CERK: variants seen among roughly 807,000 people sequenced by gnomAD.
The protein encoded by CERK is acylsphingosine kinase.
CERK carries 39 observed loss-of-function variants against 63.4 expected under a neutral mutation model. The ratio of observed to expected loss-of-function variants is 0.61; its 90% CI spans 0.48 to 0.80. The LOEUF (loss-of-function observed/expected upper bound fraction) is 0.80. Among genes scored for constraint, CERK ranks in the 30% least tolerant of loss-of-function variants. The pLI, the probability that CERK is intolerant of heterozygous loss-of-function variation, is 0.00. For synonymous variants in CERK, 302 were observed against 280.0 expected, an observed-to-expected ratio of 1.08 and a Z score of -0.78; for missense variants, 670 against 714.1, an observed-to-expected ratio of 0.94 and a Z score of 0.70.
At chr22:46,734,084 A>G (rs768173452) in intron 1 of CERK, among the ~76,000 whole-genome samples, 12 of 150,480 alleles carry the variant, frequency 8.0e-5, no homozygotes, top group Non-Finnish European at 1.5e-4. Context: ...ATATATATAT[A>G]TATACATTTT....
At chr22:46,709,891 T>C (rs552330746) in intron 5 of CERK, among the ~76,000 whole-genome samples, 1 of 152,244 alleles carries the variant, frequency 6.6e-6, no homozygotes, top group South Asian at 2.1e-4. Flanking sequence ...GCAAAAATAT[T>C]TGCAAAAATA....
At position 46,707,991 on chromosome 22, in the gene CERK, G is replaced by A. The variant is rs755108681; in HGVS notation, c.570-3C>T. 4 of 1,600,116 alleles carry A rather than the reference G, an allele frequency of 2.5e-6. No homozygotes were observed. In the Admixed American group the frequency reaches 5.0e-5, roughly 20 times the overall value. On this transcript the variant is annotated splice_region_variant and splice_polypyrimidine_tract_variant and intron_variant, in intron 5 of 12. Coordinates refer to ENST00000216264, the MANE Select transcript of CERK (RefSeq NM_022766.6). ...CATCTCCGCCGACACAGACGATGCT[G>A]CAGGAGGAACACAGCCGGTCAGGGC...
At chr22:46,718,280 G>A (rs1324107142) in intron 3 of CERK, among the ~76,000 whole-genome samples, 1 of 152,136 alleles carries the variant, frequency 6.6e-6, no homozygotes, top group Non-Finnish European at 1.5e-5. Context: ...CTTGGAGTCT[G>A]CACCTATAGG....
intron 3 of CERK, among the ~76,000 whole-genome samples, chr22:46,717,371 G>C (rs1389457056): frequency 6.6e-6 from 1 of 152,252 alleles, no homozygotes; most frequent in African/African-American, 2.4e-5. Context: ...TCAGGAAGCT[G>C]TCCAAATGAC....
At chr22:46,699,666 A>C (rs944615624) in intron 7 of CERK, among the ~76,000 whole-genome samples, 21 of 152,214 alleles carry the variant, frequency 1.4e-4, no homozygotes, top group African/African-American at 5.1e-4. Flanking sequence ...ACTCCACTCA[A>C]ATTTCTAAAA....
At chr22:46,736,575 GC>G (rs2082974808) in intron 1 of CERK, among the ~76,000 whole-genome samples, 1 of 152,200 alleles carries the variant, frequency 6.6e-6, no homozygotes, top group South Asian at 2.1e-4. Flanking sequence ...AACCCTTCGG[GC>G]CCAGGTCAGG....
intron 4 of CERK, 116 bp downstream of exon 4, chr22:46,712,052 A>G: frequency 1.7e-6 from 2 of 1,155,580 alleles, no homozygotes; most frequent in Non-Finnish European, 2.5e-6. Flanking sequence ...GCACCACTGC[A>G]CTCCAGCCTG....
At position 46,714,983 on chromosome 22, in the gene CERK, T is replaced by C. The variant is rs565862239; in HGVS notation, c.380-2690A>G. Among the ~76,000 whole-genome samples the C allele has an allele frequency of 2.7e-5, 4 of 149,628 alleles. No homozygotes were observed. Among genetic ancestry groups the C allele is most frequent in the East Asian group, 1.9e-4 (1 of 5,156 alleles). On this transcript the variant is annotated intron_variant, in intron 3 of 12. Coordinates refer to ENST00000216264, the MANE Select transcript of CERK (RefSeq NM_022766.6). The surrounding 1 kb of genome is among the most constrained non-coding windows in gnomAD (Gnocchi z 4.4). Reference sequence around the variant, plus strand: ...AAATTAATGTAACTCAACACATTAATTGAAAAAAAAAAAGAAAGTCATACA... The same window carrying C: ...AAATTAATGTAACTCAACACATTAACTGAAAAAAAAAAAGAAAGTCATACA...
chr22:46,693,447 A>G lies in CERK; in HGVS notation c.1106T>C (p.Leu369Pro). 1.2e-6 allele frequency: 2 copies of G among 1,614,164 alleles called. No individual in the cohort carries two copies. The highest frequency in any genetic ancestry group is 1.7e-6 in the Non-Finnish European group (2 of 1,179,998). Reference protein sequence around the residue: ...QQLEEEQKKALYGLEAAEDVE... With the variant: ...QQLEEEQKKAPYGLEAAEDVE... The stretch of plus-strand genomic sequence containing the variant: ...ATTACCCGCAGCTTCCAAACCATAC[A>G]GTGCTTTCTTCTGCTCCTCCTCCAG... The change falls in exon 10 of 13, where the codon CTG (leucine) becomes CCG (proline). Residue 369 changes from leucine (L) to proline (P), a missense_variant. Physicochemically the swap from Leu to Pro is moderately conservative, Grantham distance 98 (BLOSUM62 -3). Coordinates refer to ENST00000216264, the MANE Select transcript of CERK (RefSeq NM_022766.6).
At position 46,687,027 on chromosome 22, in the gene CERK, A is replaced by C. The variant is rs1352267892; in HGVS notation, c.*107T>G. On this transcript the variant is annotated 3_prime_UTR_variant, in exon 13 of 13. Transcript: ENST00000216264. ...CTTCTAAAATCAAGATTTAACTATC[A>C]AAAATAAATTTCTACATTTAAATGT... is the stretch of plus-strand genomic sequence containing the variant. 9.6e-6 allele frequency: 9 copies of C among 934,928 alleles called. No individual in the cohort carries two copies. 57.9% of individuals were successfully genotyped at this position (934,928 alleles called of 1,614,324 possible).
At chr22:46,695,073 A>T (rs2082749337) in intron 9 of CERK, 137 bp downstream of exon 9, 2 of 593,240 alleles carry the variant, frequency 3.4e-6, no homozygotes, top group South Asian at 3.9e-5. Context: ...CATGGGCATC[A>T]TAGGCATCGT....
At chr22:46,728,057 C>T (rs962884256) in intron 1 of CERK, among the ~76,000 whole-genome samples, 13 of 152,268 alleles carry the variant, frequency 8.5e-5, no homozygotes, top group African/African-American at 1.9e-4. Flanking sequence ...TACACACCTG[C>T]GCAGCCCCTG....
Position 46,690,179 on chromosome 22 carries a change from C to A in CERK, c.1354G>T (p.Val452Phe). ...AACTGGAATTTCTTGACGCGATAAA[C>A]TTCAACAAAAGTGAAGTCAAACTAC... ...QDQFDFTFVE[V>F]YRVKKFQFTS... Residue 452 changes from valine to phenylalanine, a missense_variant, in exon 12 of 13, where the codon GTT (valine) becomes TTT (phenylalanine). By Grantham distance (50) the Val-to-Phe change is conservative (BLOSUM62 -1). Transcript: ENST00000216264. 6.2e-7 allele frequency: 1 copy of A among 1,613,974 alleles called. No individual in the cohort carries two copies. Among genetic ancestry groups the A allele is most frequent in the Non-Finnish European group, 8.5e-7 (1 of 1,180,002 alleles).
intron 1 of CERK, 29 bp downstream of exon 1, chr22:46,737,978 G>A: frequency 8.6e-7 from 1 of 1,160,570 alleles, no homozygotes; most frequent in Non-Finnish European, 1.1e-6. Context: ...GGCCAGGTCC[G>A]GCCGAACCCG....
intron 4 of CERK, among the ~76,000 whole-genome samples, 188 bp from the exon 5 acceptor site, chr22:46,711,337 C>T (rs955711690): frequency 1.3e-5 from 2 of 152,188 alleles, no homozygotes; most frequent in African/African-American, 4.8e-5. Flanking sequence ...GGAACGTGAA[C>T]ATGAACCTCT....
chr22:46,721,791 G>A (rs1180422535), intron 1 of CERK, among the ~76,000 whole-genome samples: 1 of 152,188 alleles, frequency 6.6e-6, no homozygotes, highest in Non-Finnish European at 1.5e-5. Flanking sequence ...AGTGCAGGGG[G>A]AGGAGACAGG....
At chr22:46,728,279 C>G (rs1009903211) in intron 1 of CERK, among the ~76,000 whole-genome samples, 1 of 152,144 alleles carries the variant, frequency 6.6e-6, no homozygotes, top group African/African-American at 2.4e-5. Context: ...CCTCAGGGAA[C>G]TTTGTCATGG....
chr22:46,729,890 T>G (rs1489003990), intron 1 of CERK, among the ~76,000 whole-genome samples: 2 of 151,656 alleles, frequency 1.3e-5, no homozygotes, highest in Non-Finnish European at 2.9e-5. Flanking sequence ...ATACAAAAAA[T>G]TAGCCAGGCG....
chr22:46,694,978 C>T (rs1311186258), intron 9 of CERK, among the ~76,000 whole-genome samples: 1 of 152,238 alleles, frequency 6.6e-6, no homozygotes, highest in Non-Finnish European at 1.5e-5. Flanking sequence ...CCCCCAGAGT[C>T]CTCATCCCTG....
Sources: gnomAD v4.1 joint callset for allele counts (sites outside exome capture counted in the v4.1 genomes callset) on GRCh38, gnomAD v4.1.1 for gene constraint, Gnocchi (gnomAD v3.1) non-coding constraint, MANE v1.5 for transcripts, NCBI Gene and HGNC (gene_info 2026-07-23, HGNC 2026-07-21) for gene names.